Variants in CLDN16 observed in about 807,000 individuals in gnomAD.
The protein encoded by CLDN16 is claudin 16.
A neutral mutation model predicts 24.6 loss-of-function variants in CLDN16; 13 were observed. That is an observed-to-expected ratio of 0.53 (90% CI 0.34 to 0.84). The LOEUF is 0.84. Ranked by LOEUF, CLDN16 falls within the 40% of genes least tolerant of loss-of-function variation. CLDN16 has a pLI of 0.01. For missense variants in CLDN16, 298 were observed against 292.7 expected (o/e 1.02, Z -0.13); for synonymous variants, 116 against 106.7 (o/e 1.09, Z -0.54).
chr3:190,290,664 A>C, the CLDN16 span, among the ~76,000 whole-genome samples: 1 of 152,196 alleles, frequency 6.6e-6, no homozygotes, highest in Non-Finnish European at 1.5e-5. Context: ...CTTAAAATAG[A>C]GGGGTAATAC....
At chr3:190,341,902 G>A (rs1054900119) in intron 1 of CLDN16, among the ~76,000 whole-genome samples, 4 of 152,126 alleles carry the variant, frequency 2.6e-5, no homozygotes, top group African/African-American at 9.7e-5. Context: ...CTAGGGCAGG[G>A]ACAAAATGCT....
At chr3:190,369,272 A>G (rs189511871) in intron 1 of CLDN16, among the ~76,000 whole-genome samples, 24 of 152,034 alleles carry the variant, frequency 1.6e-4, no homozygotes, top group Admixed American at 4.6e-4. Flanking sequence ...TCACTGGCCC[A>G]TTGTACCCAG....
chr3:190,295,463 G>A, the CLDN16 span, among the ~76,000 whole-genome samples: 1 of 152,106 alleles, frequency 6.6e-6, no homozygotes, highest in Non-Finnish European at 1.5e-5. Context: ...CTCCCTCACA[G>A]TGAGGTGGCA....
At chr3:190,327,013 G>A (rs975584005) in intron 1 of CLDN16, among the ~76,000 whole-genome samples, 1 of 152,126 alleles carries the variant, frequency 6.6e-6, no homozygotes, top group Non-Finnish European at 1.5e-5. Context: ...GTTCTCCAAA[G>A]AATAGACTAC....
At chr3:190,318,054 A>G (rs149205521), upstream of CLDN16, among the ~76,000 whole-genome samples, 287 of 152,296 alleles carry the variant, frequency 1.9e-3, no homozygotes, top group African/African-American at 6.7e-3. Flanking sequence ...TTTTCTCCAT[A>G]TTAAATCTTT....
the CLDN16 span, among the ~76,000 whole-genome samples, chr3:190,297,795 T>C: frequency 3.3e-5 from 5 of 149,692 alleles, no homozygotes; most frequent in Non-Finnish European, 7.4e-5. Flanking sequence ...AAAAAACCTT[T>C]ACATTTATCC....
intron 1 of CLDN16, among the ~76,000 whole-genome samples, chr3:190,336,064 C>T (rs79144353): frequency 0.025 from 3,725 of 151,962 alleles, 150 homozygotes; most frequent in African/African-American, 0.086. Flanking sequence ...GATTATGGAA[C>T]GTGGAATTTG....
chr3:190,390,841 A>G (rs1451932978), intron 1 of CLDN16, among the ~76,000 whole-genome samples: 2 of 152,120 alleles, frequency 1.3e-5, no homozygotes, highest in Admixed American at 6.5e-5. Context: ...GATAGAGTGT[A>G]CTGGTGTGAT....
intron 1 of CLDN16, among the ~76,000 whole-genome samples, chr3:190,397,246 A>G (rs1718843023): frequency 6.6e-6 from 1 of 152,178 alleles, no homozygotes; most frequent in Non-Finnish European, 1.5e-5. Flanking sequence ...TCCACTCTTC[A>G]CTTTTGGGAA....
intron 1 of CLDN16, among the ~76,000 whole-genome samples, chr3:190,389,763 G>A (rs1046426091): frequency 2.6e-5 from 4 of 152,138 alleles, no homozygotes; most frequent in Admixed American, 1.3e-4. Flanking sequence ...CAGATAAAAC[G>A]TTCTGCTGTC....
At chr3:190,328,111 A>G (rs1321544800) in intron 1 of CLDN16, among the ~76,000 whole-genome samples, 1 of 93,748 alleles carries the variant, frequency 1.1e-5, no homozygotes, top group Admixed American at 1.1e-4. Flanking sequence ...GTAAGATTCC[A>G]TCTCTACAAA....
At chr3:190,391,679 A>C (rs1161048317) in intron 1 of CLDN16, among the ~76,000 whole-genome samples, 1 of 152,216 alleles carries the variant, frequency 6.6e-6, no homozygotes, top group African/African-American at 2.4e-5. Flanking sequence ...AGAGGACTAA[A>C]GTGGGCAACA....
intron 1 of CLDN16, among the ~76,000 whole-genome samples, chr3:190,354,244 G>A (rs1717723400): frequency 6.6e-6 from 1 of 151,942 alleles, no homozygotes; most frequent in African/African-American, 2.4e-5. Flanking sequence ...CAGGAATAAG[G>A]ATGCAAATAT....
At chr3:190,346,048 T>C (rs949702007) in intron 1 of CLDN16, among the ~76,000 whole-genome samples, 1 of 151,632 alleles carries the variant, frequency 6.6e-6, no homozygotes, top group African/African-American at 2.4e-5. Context: ...TTCAGAAGTG[T>C]GATGGAAGTA....
intron 3 of CLDN16, among the ~76,000 whole-genome samples, chr3:190,382,101 A>G (rs541927419): frequency 9.9e-4 from 150 of 152,218 alleles, no homozygotes; most frequent in Non-Finnish European, 1.9e-3. Context: ...CATAATGAAC[A>G]TAGGATATAT....
upstream of CLDN16, among the ~76,000 whole-genome samples, chr3:190,383,150 T>C (rs1718407863): frequency 6.6e-6 from 1 of 152,108 alleles, no homozygotes; most frequent in Non-Finnish European, 1.5e-5. Context: ...GTGGACCAGC[T>C]ATCTCTCTCC....
chr3:190,315,509 G>T, the CLDN16 span, among the ~76,000 whole-genome samples: 2 of 152,146 alleles, frequency 1.3e-5, no homozygotes, highest in East Asian at 3.9e-4. Context: ...ATTATCTTGA[G>T]AAAGGGGCGA....
At chr3:190,313,194 TATA>T in the CLDN16 span, 1 of 717,796 alleles carries the variant, frequency 1.4e-6, no homozygotes, top group Non-Finnish European at 2.3e-6. Context: ...GGTAACCCAA[TATA>T]CAGTATCTTC....
At chr3:190,327,002 A>G (rs4011786) in intron 1 of CLDN16, among the ~76,000 whole-genome samples, 91,773 of 151,276 alleles carry the variant, frequency 0.61, 28,985 homozygotes, top group African/African-American at 0.79. Context: ...TATTAGTGGG[A>G]GTTCTCCAAA....
Sources: allele counts gnomAD v4.1 joint callset (sites outside exome capture counted in the v4.1 genomes callset), GRCh38; gene constraint gnomAD v4.1.1; transcripts MANE v1.5; gene names NCBI Gene and HGNC (gene_info 2026-07-23, HGNC 2026-07-21).